LRRIQ3: variants seen among roughly 807,000 people sequenced by gnomAD.
LRRIQ3 encodes leucine rich repeats and IQ motif containing 3, also known as leucine-rich repeat and IQ domain-containing protein 3.
LRRIQ3 carries 75 observed loss-of-function variants against 59.3 expected under a neutral mutation model. The ratio of observed to expected loss-of-function variants is 1.26; its 90% CI spans 1.05 to 1.53. LRRIQ3 has a LOEUF of 1.53. LRRIQ3 is among the 40% of genes most tolerant of loss of function. The probability of loss-of-function intolerance (pLI) is 0.00; values close to 1 mark genes in which losing one functional copy is unlikely to be tolerated. For synonymous variants in LRRIQ3, 250 were observed against 231.3 expected (o/e 1.08, Z -0.73); for missense variants, 831 against 710.0 (o/e 1.17, Z -1.94).
chr1:74,172,201 T>C (rs1649366707), intron 3 of LRRIQ3, among the ~76,000 whole-genome samples: 1 of 152,144 alleles, frequency 6.6e-6, no homozygotes, highest in South Asian at 2.1e-4. Context: ...GAGATCATTT[T>C]TTCTTTTTTA....
intron 4 of LRRIQ3, among the ~76,000 whole-genome samples, chr1:74,127,854 T>C (rs1646958923): frequency 6.6e-6 from 1 of 151,994 alleles, no homozygotes; most frequent in African/African-American, 2.4e-5. Flanking sequence ...GCTCATTAAC[T>C]TCCTTTTCTT....
intron 4 of LRRIQ3, among the ~76,000 whole-genome samples, chr1:74,113,106 C>T (rs1211507184): frequency 6.6e-6 from 1 of 151,682 alleles, no homozygotes; most frequent in Non-Finnish European, 1.5e-5. Flanking sequence ...GACAACAATG[C>T]CTTTTCAAAT....
intron 5 of LRRIQ3, among the ~76,000 whole-genome samples, chr1:74,102,537 G>A (rs552732827): frequency 6.1e-4 from 93 of 152,084 alleles, no homozygotes; most frequent in African/African-American, 2.1e-3. Flanking sequence ...GCAAAATGAC[G>A]TAGCAGCTAC....
chr1:74,154,652 C>A lies in LRRIQ3; in HGVS notation c.707+1081G>T, dbSNP rs566424966. On this transcript the variant is annotated intron_variant, in intron 4 of 7. Coordinates refer to ENST00000354431, the MANE Select transcript of LRRIQ3 (RefSeq NM_001105659.2). ...CCTGGGAAATAACCTAAAAACAAGA[C>A]CCTTTAATTAGATCTGTATTTAATA... Among the ~76,000 whole-genome samples the A allele has an allele frequency of 5.9e-5, 9 of 152,260 alleles. No homozygotes were observed. In the South Asian group the frequency reaches 1.7e-3, roughly 28 times the overall value.
chr1:74,134,787 A>G (rs1251102779), intron 4 of LRRIQ3, among the ~76,000 whole-genome samples: 1 of 151,882 alleles, frequency 6.6e-6, no homozygotes, highest in Admixed American at 6.6e-5. Flanking sequence ...CAAATGGTAC[A>G]GTAGAAAATA....
intron 6 of LRRIQ3, among the ~76,000 whole-genome samples, chr1:74,071,219 C>T (rs1224892988): frequency 6.6e-6 from 1 of 151,868 alleles, no homozygotes. Context: ...GTCACTCAGG[C>T]TAAAGTGCAA....
chr1:74,043,222 T>C (rs1197744156), intron 6 of LRRIQ3, among the ~76,000 whole-genome samples: 2 of 152,144 alleles, frequency 1.3e-5, no homozygotes, highest in African/African-American at 4.8e-5. Context: ...AGGTGTTTCT[T>C]GATTTCTTCC....
In LRRIQ3 at chr1:74,169,560, T is replaced by A. The variant is rs533688061; in HGVS notation, c.573+12978A>T. On this transcript the variant is annotated intron_variant, in intron 3 of 7. Transcript: ENST00000354431. Reference sequence around the variant, plus strand: ...CAAAGGTTTCAATTTCTCCAACACTTTTTTTTAAGAGACAGGGTCTTGCTC... The same window carrying A: ...CAAAGGTTTCAATTTCTCCAACACTATTTTTTAAGAGACAGGGTCTTGCTC... 3.3e-5 allele frequency among the ~76,000 whole-genome samples: 5 copies of A among 152,158 alleles called. No individual in the cohort carries two copies. In the South Asian group the frequency reaches 1.0e-3, roughly 32 times the overall value.
At chr1:74,142,105 C>T (rs944412918) in intron 4 of LRRIQ3, among the ~76,000 whole-genome samples, 37 of 151,678 alleles carry the variant, frequency 2.4e-4, no homozygotes, top group African/African-American at 9.0e-4. Flanking sequence ...TTGCAATGAA[C>T]GTGAGAGTGC....
intron 5 of LRRIQ3, among the ~76,000 whole-genome samples, chr1:74,075,688 G>T (rs1646198903): frequency 6.6e-6 from 1 of 152,176 alleles, no homozygotes; most frequent in South Asian, 2.1e-4. Flanking sequence ...TCTGTGAACT[G>T]GTTGGGATGT....
intron 5 of LRRIQ3, among the ~76,000 whole-genome samples, chr1:74,079,789 A>C (rs1646252978): frequency 6.6e-6 from 1 of 151,876 alleles, no homozygotes; most frequent in Non-Finnish European, 1.5e-5. Flanking sequence ...ATATGATGTA[A>C]AACAAAGCTC....
At position 74,050,596 on chromosome 1, in the gene LRRIQ3, C is replaced by A; in HGVS notation, c.998-8663G>T. ...TCTGTGAAGAAACAAATGGTCCAAA[C>A]CTATTTAAAATCAGCATAGCTGTGA... On this transcript the variant is annotated intron_variant, in intron 6 of 7. Coordinates refer to ENST00000354431, the MANE Select transcript of LRRIQ3 (RefSeq NM_001105659.2). 4.1e-6 allele frequency: 4 copies of A among 985,134 alleles called. No homozygotes were observed. In the South Asian group the frequency reaches 1.9e-4, roughly 46 times the overall value. 61.0% of individuals were successfully genotyped at this position (985,134 alleles called of 1,614,324 possible). A position where few individuals can be genotyped will look rare whatever the true frequency, so the allele number is the denominator to read the frequency against.
intron 6 of LRRIQ3, among the ~76,000 whole-genome samples, chr1:74,053,027 A>G (rs1448736101): frequency 6.6e-6 from 1 of 152,126 alleles, no homozygotes; most frequent in Non-Finnish European, 1.5e-5. Flanking sequence ...GAGTATTGAC[A>G]AATAGATCAA....
At chr1:74,090,871 G>T (rs1329177424) in intron 5 of LRRIQ3, among the ~76,000 whole-genome samples, 1 of 151,942 alleles carries the variant, frequency 6.6e-6, no homozygotes, top group Non-Finnish European at 1.5e-5. Flanking sequence ...TCCAGCCTGG[G>T]CAACAAACAG....
chr1:74,138,209 A>G (rs918748177), intron 4 of LRRIQ3, among the ~76,000 whole-genome samples: 3 of 151,902 alleles, frequency 2.0e-5, no homozygotes, highest in African/African-American at 4.8e-5. Context: ...ATTTCATGGT[A>G]ATGTGACCTG....
intron 3 of LRRIQ3, chr1:74,182,260 A>T (rs1570271627): frequency 5.5e-6 from 1 of 183,036 alleles, no homozygotes; most frequent in Non-Finnish European, 1.1e-5. Context: ...TTCATATACC[A>T]AATTCTGAAT....
At chr1:74,060,686 T>C (rs113964845) in intron 6 of LRRIQ3, among the ~76,000 whole-genome samples, 5 of 151,924 alleles carry the variant, frequency 3.3e-5, no homozygotes, top group African/African-American at 9.7e-5. Flanking sequence ...GAGTTCACAG[T>C]GGGCAACATA....
intron 6 of LRRIQ3, among the ~76,000 whole-genome samples, chr1:74,048,253 T>C (rs962426971): frequency 6.6e-6 from 1 of 152,138 alleles, no homozygotes; most frequent in African/African-American, 2.4e-5. Flanking sequence ...ATAATAGGAG[T>C]GCTCAGAGAC....
In LRRIQ3 at chr1:74,026,270, T is replaced by C. The variant is rs562925012; in HGVS notation, c.*543A>G. 6.6e-6 allele frequency: 1 copy of C among 152,134 alleles called. No homozygotes were observed. The highest frequency in any genetic ancestry group is 1.5e-5 in the Non-Finnish European group (1 of 68,018). The allele number at this position is 152,134 out of a possible 1,614,324, so 9.4% of individuals were successfully genotyped here. On this transcript the variant is annotated 3_prime_UTR_variant, in exon 8 of 8. Coordinates refer to ENST00000354431, the MANE Select transcript of LRRIQ3 (RefSeq NM_001105659.2). The stretch of plus-strand genomic sequence containing the variant: ...GTGATAAGAATGTTTAATTTACTTT[T>C]CATAGTTCATATTTTCTGAATTTTT...
Sources: allele counts gnomAD v4.1 joint callset (sites outside exome capture counted in the v4.1 genomes callset), GRCh38; gene constraint gnomAD v4.1.1; transcripts MANE v1.5; gene names NCBI Gene and HGNC (gene_info 2026-07-23, HGNC 2026-07-21).